The following KIF6 variants were observed in gnomAD, a reference collection of about 807,000 sequenced individuals.
KIF6 encodes the protein kinesin family member 6.
KIF6 carries 106 observed loss-of-function variants against 112.7 expected under a neutral mutation model. The observed-to-expected ratio is 0.94, with a 90% CI of 0.80 to 1.11. The LOEUF is 1.11. KIF6 is among the 50% of genes least tolerant of loss of function. The pLI is 0.00. For missense variants in KIF6, 929 were observed against 964.0 expected (o/e 0.96, Z 0.48); for synonymous variants, 339 against 339.9 (o/e 1.00, Z 0.03).
chr6:39,658,261 T>C (rs771542156), intron 3 of KIF6, among the ~76,000 whole-genome samples: 1 of 152,212 alleles, frequency 6.6e-6, no homozygotes, highest in Non-Finnish European at 1.5e-5. Context: ...CTGTTTTCTA[T>C]ATACATAATG....
At chr6:39,454,999 G>C (rs1476265138) in intron 13 of KIF6, among the ~76,000 whole-genome samples, 8 of 149,012 alleles carry the variant, frequency 5.4e-5, no homozygotes, top group Non-Finnish European at 1.1e-4. Flanking sequence ...CGGGAAGCTC[G>C]AACTGGGTGG....
At chr6:39,568,992 C>T (rs1780490873) in intron 10 of KIF6, among the ~76,000 whole-genome samples, 1 of 152,044 alleles carries the variant, frequency 6.6e-6, no homozygotes, top group Non-Finnish European at 1.5e-5. Context: ...TCTCTCTCTC[C>T]AGGTCTACTT....
At chr6:39,544,163 G>T (rs1778942116) in intron 12 of KIF6, among the ~76,000 whole-genome samples, 1 of 152,168 alleles carries the variant, frequency 6.6e-6, no homozygotes, top group African/African-American at 2.4e-5. Flanking sequence ...TCTGTGGTCA[G>T]CCTGTTGTCT....
chr6:39,581,263 G>T (rs901998495), intron 9 of KIF6, among the ~76,000 whole-genome samples: 20 of 148,026 alleles, frequency 1.4e-4, no homozygotes, highest in Non-Finnish European at 2.2e-4. Context: ...CGCATTCCAG[G>T]TTCAAGCGAT....
chr6:39,691,621 A>C (rs1178202712), intron 3 of KIF6: 1 of 152,266 alleles, frequency 6.6e-6, no homozygotes, highest in African/African-American at 2.4e-5. Context: ...TGGTGATTCC[A>C]TTAATAAAAA....
chr6:39,504,354 T>C (rs1419318465), intron 13 of KIF6, among the ~76,000 whole-genome samples: 3 of 152,078 alleles, frequency 2.0e-5, no homozygotes, highest in Admixed American at 2.0e-4. Flanking sequence ...AACCTCAAAA[T>C]AATAAGAGCC....
intron 19 of KIF6, among the ~76,000 whole-genome samples, chr6:39,351,182 C>CTTTT (rs5875669): frequency 7.9e-4 from 84 of 106,780 alleles, no homozygotes; most frequent in African/African-American, 2.4e-3. Flanking sequence ...TAGGATTAAA[C>CTTTT]TTTTTTTTTT....
At chr6:39,619,533 A>T (rs1402437518) in intron 5 of KIF6, among the ~76,000 whole-genome samples, 1 of 152,198 alleles carries the variant, frequency 6.6e-6, no homozygotes, top group Non-Finnish European at 1.5e-5. Context: ...GCATAGTGAC[A>T]ATGAGGAACC....
At chr6:39,485,258 A>G (rs1775046256) in intron 13 of KIF6, among the ~76,000 whole-genome samples, 1 of 152,206 alleles carries the variant, frequency 6.6e-6, no homozygotes, top group Non-Finnish European at 1.5e-5. Flanking sequence ...AAAATTAAGG[A>G]AAGAAGAAAG....
intron 5 of KIF6, chr6:39,617,880 C>T (rs1336326998): frequency 2.8e-6 from 1 of 351,448 alleles, no homozygotes; most frequent in Non-Finnish European, 6.0e-6. Context: ...AGTCCCAACA[C>T]AAGTCACTTA....
chr6:39,718,014 G>A (rs1408659669), intron 2 of KIF6, among the ~76,000 whole-genome samples: 2 of 151,622 alleles, frequency 1.3e-5, no homozygotes, highest in Non-Finnish European at 2.9e-5. Flanking sequence ...ATCACTCGAG[G>A]TCAGGAGTTC....
At chr6:39,446,291 A>C (rs942183584) in intron 13 of KIF6, among the ~76,000 whole-genome samples, 1 of 152,126 alleles carries the variant, frequency 6.6e-6, no homozygotes, top group Non-Finnish European at 1.5e-5. Flanking sequence ...TTTTAGAACT[A>C]TCCAATGCCT....
chr6:39,585,425 C>A lies in KIF6; in HGVS notation c.991-441G>T, dbSNP rs190709324. ...CTCACCTCCTGCTGTGCAGCTCAGC[C>A]CCTAATAGGCCACAGACCTGGTACT... On this transcript the variant is annotated intron_variant, in intron 8 of 22. Coordinates refer to ENST00000287152, the MANE Select transcript of KIF6 (RefSeq NM_145027.6). Among the ~76,000 whole-genome samples, 6 of 152,148 alleles carry A rather than the reference C, an allele frequency of 3.9e-5. No individual in the cohort carries two copies. In the East Asian group the frequency reaches 1.2e-3, roughly 29 times the overall value.
At chr6:39,461,531 GGT>G (rs1282043310) in intron 13 of KIF6, among the ~76,000 whole-genome samples, 2 of 151,590 alleles carry the variant, frequency 1.3e-5, no homozygotes, top group African/African-American at 4.8e-5. Flanking sequence ...TGTAAGAAAA[GGT>G]GAAATTAATT....
intron 13 of KIF6, among the ~76,000 whole-genome samples, chr6:39,533,220 C>G (rs922322183): frequency 6.6e-6 from 1 of 152,214 alleles, no homozygotes; most frequent in Admixed American, 6.5e-5. Flanking sequence ...TTGCCTCACT[C>G]GGGAAGCGCA....
intron 6 of KIF6, among the ~76,000 whole-genome samples, chr6:39,606,368 T>G (rs1782888067): frequency 1.3e-5 from 2 of 152,148 alleles, no homozygotes; most frequent in South Asian, 4.1e-4. Context: ...ACAAGCCCTG[T>G]GCTCTCTGAT....
rs1273780212 is a variant in KIF6, at chr6:39,419,940, C to T, written c.1810+8G>A. 4 of 1,610,402 alleles carry T rather than the reference C, an allele frequency of 2.5e-6. No individual in the cohort carries two copies. Among genetic ancestry groups the T allele is most frequent in the Non-Finnish European group, 3.4e-6 (4 of 1,176,536 alleles). ...CTGAAAGAGGCTCACAGAATATCAT[C>T]TGCTTACCAATTTTACTTCTTGCTT... On this transcript the variant is annotated splice_region_variant and intron_variant, in intron 15 of 22. Transcript: ENST00000287152.
At chr6:39,555,522 C>A (rs1779654473) in intron 10 of KIF6, among the ~76,000 whole-genome samples, 1 of 152,130 alleles carries the variant, frequency 6.6e-6, no homozygotes, top group South Asian at 2.1e-4. Flanking sequence ...CAGAATGGAA[C>A]AGAGGTCTCT....
chr6:39,664,159 G>T (rs567158121), intron 3 of KIF6, among the ~76,000 whole-genome samples: 1 of 152,230 alleles, frequency 6.6e-6, no homozygotes, highest in South Asian at 2.1e-4. Context: ...TCAAAGGATT[G>T]TCTAGGATTG....
Sources: allele counts gnomAD v4.1 joint callset (sites outside exome capture counted in the v4.1 genomes callset), GRCh38; gene constraint gnomAD v4.1.1; transcripts MANE v1.5; gene names NCBI Gene and HGNC (gene_info 2026-07-23, HGNC 2026-07-21).